Variants in PARN observed in about 807,000 individuals in gnomAD.
PARN encodes the protein poly(A)-specific ribonuclease.
Under a neutral mutation model 102.8 loss-of-function variants are expected in PARN, and 71 were observed. The observed-to-expected ratio is 0.69, with a 90% CI of 0.57 to 0.84. The LOEUF is 0.84. Ranked by LOEUF, PARN falls within the 40% of genes least tolerant of loss-of-function variation. PARN has a pLI of 0.00. For synonymous variants in PARN, 261 were observed against 252.9 expected, an observed-to-expected ratio of 1.03 and a Z score of -0.30; for missense variants, 782 against 760.9, an observed-to-expected ratio of 1.03 and a Z score of -0.33.
intron 18 of PARN, among the ~76,000 whole-genome samples, chr16:14,571,733 T>A (rs550870293): frequency 1.3e-5 from 2 of 152,210 alleles, no homozygotes; most frequent in East Asian, 3.9e-4. Context: ...TTACACACAC[T>A]CTCTCATTTC....
intron 10 of PARN, among the ~76,000 whole-genome samples, chr16:14,605,345 T>C (rs1971117020): frequency 6.6e-6 from 1 of 152,244 alleles, no homozygotes; most frequent in Admixed American, 6.5e-5. Flanking sequence ...TGTGTTTCCA[T>C]GACATTTTCC....
intron 23 of PARN, among the ~76,000 whole-genome samples, chr16:14,442,254 C>T (rs1479025765): frequency 1.3e-5 from 2 of 152,144 alleles, no homozygotes; most frequent in African/African-American, 4.8e-5. Flanking sequence ...GTCCCAGGAA[C>T]ACATCAACAA....
At chr16:14,489,124 G>A (rs909644982) in intron 21 of PARN, among the ~76,000 whole-genome samples, 2 of 152,046 alleles carry the variant, frequency 1.3e-5, no homozygotes, top group Non-Finnish European at 2.9e-5. Context: ...GTGTATGAGA[G>A]GGAGAACAAA....
chr16:14,508,189 C>CAGAT (rs955854591), intron 21 of PARN, among the ~76,000 whole-genome samples: 148 of 151,714 alleles, frequency 9.8e-4, no homozygotes, highest in East Asian at 2.3e-3. Flanking sequence ...GGCAGGCAGG[C>CAGAT]AGATAGATAG....
intron 22 of PARN, among the ~76,000 whole-genome samples, chr16:14,453,870 A>G (rs1208882826): frequency 1.3e-5 from 2 of 152,204 alleles, no homozygotes; most frequent in African/African-American, 4.8e-5. Context: ...ATGCTGGTAT[A>G]AACATCTGGG....
chr16:14,536,748 T>C (rs981320312), intron 21 of PARN, among the ~76,000 whole-genome samples: 11 of 152,182 alleles, frequency 7.2e-5, no homozygotes, highest in African/African-American at 2.4e-4. Flanking sequence ...GCTTGTGACA[T>C]GATTAATTAA....
At chr16:14,498,478 C>T (rs893740573) in intron 21 of PARN, among the ~76,000 whole-genome samples, 4 of 152,118 alleles carry the variant, frequency 2.6e-5, no homozygotes, top group African/African-American at 9.7e-5. Context: ...GAACATGAGT[C>T]CTCTTCCTAG....
intron 21 of PARN, among the ~76,000 whole-genome samples, chr16:14,494,601 G>A (rs977198844): frequency 3.9e-5 from 6 of 152,350 alleles, no homozygotes; most frequent in African/African-American, 1.2e-4. Context: ...ATGAATGACC[G>A]TAATAGTGAA....
chr16:14,608,637 A>G (rs1282675220), intron 8 of PARN, among the ~76,000 whole-genome samples: 29 of 152,206 alleles, frequency 1.9e-4, no homozygotes, highest in Non-Finnish European at 2.9e-5. Context: ...AACTCCTCAC[A>G]AAGTAAAAGG....
At chr16:14,524,390 T>C (rs963596153) in intron 21 of PARN, among the ~76,000 whole-genome samples, 3 of 152,186 alleles carry the variant, frequency 2.0e-5, no homozygotes, top group Admixed American at 6.5e-5. Flanking sequence ...ACATGAATTA[T>C]GAAAAAGATC....
chr16:14,482,862 A>T, intron 21 of PARN, 35 bp from the exon 22 acceptor site: 1 of 1,529,840 alleles, frequency 6.5e-7, no homozygotes, highest in East Asian at 2.4e-5. Context: ...AAATGCTTAC[A>T]AAAGTCTGGC....
In PARN at chr16:14,628,391, T is replaced by C. The variant is rs531952140; in HGVS notation, c.98-140A>G. On this transcript the variant is annotated intron_variant, in intron 2 of 23. Transcript: ENST00000437198. ...CACTCCCTAACTTACTTTTTTAAAA[T>C]AAGCATTAATTTCAGTGGCCACCAG... 79 of 600,276 alleles carry C rather than the reference T, an allele frequency of 1.3e-4. 1 individual carries two copies. The South Asian group carries it at 1.6e-3, about 12-fold the overall frequency. 37.2% of individuals were successfully genotyped at this position (600,276 alleles called of 1,614,324 possible).
At chr16:14,477,360 G>A (rs1963115968) in intron 22 of PARN, among the ~76,000 whole-genome samples, 1 of 150,888 alleles carries the variant, frequency 6.6e-6, no homozygotes, top group Admixed American at 6.6e-5. Flanking sequence ...AGAATCTCCT[G>A]AACCAGGGAG....
chr16:14,567,542 A>G (rs1289189475), intron 18 of PARN, among the ~76,000 whole-genome samples: 1 of 152,216 alleles, frequency 6.6e-6, no homozygotes, highest in African/African-American at 2.4e-5. Context: ...TCATCTTTTA[A>G]AAGATTTGTT....
intron 10 of PARN, 95 bp downstream of exon 10, chr16:14,606,389 C>A (rs1369079613): frequency 2.3e-5 from 14 of 619,186 alleles, no homozygotes; most frequent in Non-Finnish European, 3.5e-5. Flanking sequence ...CAGAGAAAGA[C>A]CCTGAGGGAA....
chr16:14,583,310 C>T (rs1286405121), intron 16 of PARN, among the ~76,000 whole-genome samples: 1 of 152,088 alleles, frequency 6.6e-6, no homozygotes, highest in Non-Finnish European at 1.5e-5. Context: ...AGGAAGGTTA[C>T]TATAACACAG....
chr16:14,547,296 G>A (rs1967016361), intron 21 of PARN, among the ~76,000 whole-genome samples: 1 of 152,048 alleles, frequency 6.6e-6, no homozygotes, highest in Admixed American at 6.6e-5. Context: ...AGCCAGCAGG[G>A]AACCGCTTCC....
chr16:14,565,623 CTG>C (rs1367738009), intron 18 of PARN, among the ~76,000 whole-genome samples: 1 of 152,256 alleles, frequency 6.6e-6, no homozygotes, highest in African/African-American at 2.4e-5. Context: ...CTTTTACAGT[CTG>C]TGCTCAGGCC....
At chr16:14,530,648 G>A (rs893210596) in intron 21 of PARN, among the ~76,000 whole-genome samples, 2 of 151,894 alleles carry the variant, frequency 1.3e-5, no homozygotes, top group Non-Finnish European at 2.9e-5. Context: ...TCACAACCCA[G>A]TGAGGGAGTG....
Sources: gnomAD v4.1 joint callset for allele counts (sites outside exome capture counted in the v4.1 genomes callset) on GRCh38, gnomAD v4.1.1 for gene constraint, MANE v1.5 for transcripts, NCBI Gene and HGNC (gene_info 2026-07-23, HGNC 2026-07-21) for gene names.